Variants in FAM3C observed in about 807,000 individuals in gnomAD.
FAM3C encodes FAM3 metabolism regulating signaling molecule C.
A neutral mutation model predicts 32.5 loss-of-function variants in FAM3C; 15 were observed. The observed-to-expected ratio is 0.46, with a 90% confidence interval of 0.31 to 0.71. The LOEUF (loss-of-function observed/expected upper bound fraction) is 0.71. Among genes scored for constraint, FAM3C ranks in the 30% least tolerant of loss-of-function variants. The pLI, the probability that FAM3C is intolerant of heterozygous loss-of-function variation, is 0.05. For missense variants in FAM3C, 175 were observed against 274.4 expected, an observed-to-expected ratio of 0.64 and a Z score of 2.56; for synonymous variants, 75 against 86.1, an observed-to-expected ratio of 0.87 and a Z score of 0.72.
At chr7:121,395,487 G>A (rs981875988) in intron 1 of FAM3C, among the ~76,000 whole-genome samples, 1 of 151,086 alleles carries the variant, frequency 6.6e-6, no homozygotes, top group African/African-American at 2.4e-5. Context: ...GGTAGAGGAT[G>A]ATGGAAACCG....
At position 121,390,209 on chromosome 7, in the gene FAM3C, T is replaced by C. The variant is rs534148502; in HGVS notation, c.-42+5953A>G. On this transcript the variant is annotated intron_variant, in intron 1 of 9. Coordinates refer to ENST00000359943, the MANE Select transcript of FAM3C (RefSeq NM_014888.3). ...AATACCCTATTTATTTTAACTAAAC[T>C]CATTTTGCATCTTGCTTCCCTCATT... Among the ~76,000 whole-genome samples, 459 of 152,342 alleles carry C rather than the reference T, an allele frequency of 3.0e-3. 3 individuals are homozygous for C. Among genetic ancestry groups the C allele is most frequent in the African/African-American group, 0.01 (428 of 41,576 alleles).
At chr7:121,355,900 G>A (rs920950976) in intron 8 of FAM3C, among the ~76,000 whole-genome samples, 3 of 152,054 alleles carry the variant, frequency 2.0e-5, no homozygotes, top group South Asian at 2.1e-4. Flanking sequence ...TTCATAGGAC[G>A]AATGTCAGAA....
In FAM3C at chr7:121,351,401, T is replaced by A. The variant is rs1018696879; in HGVS notation, c.468-132A>T. On this transcript the variant is annotated intron_variant, in intron 8 of 9. Transcript: ENST00000359943. ...TAACAGAACATTTTGGAAAATAATT[T>A]TTTTTCAGAGTTACATTTCTACTGG... 9.6e-6 allele frequency: 8 copies of A among 834,286 alleles called. No individual in the cohort carries two copies. In the African/African-American group the frequency reaches 1.2e-4, roughly 13 times the overall value. The allele number at this position is 834,286 out of a possible 1,614,324, so 51.7% of individuals were successfully genotyped here.
intron 3 of FAM3C, among the ~76,000 whole-genome samples, chr7:121,378,613 T>C (rs1189432560): frequency 6.6e-6 from 1 of 152,208 alleles, no homozygotes; most frequent in Admixed American, 6.5e-5. Context: ...AATTTAAGCC[T>C]GGAGGTATTT....
At chr7:121,377,234 T>A (rs1018460239) in intron 3 of FAM3C, among the ~76,000 whole-genome samples, 11 of 152,164 alleles carry the variant, frequency 7.2e-5, no homozygotes, top group African/African-American at 2.7e-4. Context: ...GCCATGATTG[T>A]AAGTTTCCTG....
chr7:121,351,781 A>T (rs1793710350), intron 8 of FAM3C, among the ~76,000 whole-genome samples: 1 of 152,252 alleles, frequency 6.6e-6, no homozygotes, highest in South Asian at 2.1e-4. Flanking sequence ...ATTGTACTTC[A>T]GTGATAACTG....
intron 2 of FAM3C, chr7:121,380,183 A>T (rs1011993360): frequency 2.0e-5 from 3 of 152,168 alleles, no homozygotes; most frequent in African/African-American, 7.2e-5. Context: ...AGAGCTCAAA[A>T]ATTACATGTC....
intron 3 of FAM3C, among the ~76,000 whole-genome samples, chr7:121,377,178 C>T (rs1293203282): frequency 6.6e-6 from 1 of 152,152 alleles, no homozygotes; most frequent in Non-Finnish European, 1.5e-5. Context: ...CTTCACTCTG[C>T]ACTTCTCCTT....
intron 1 of FAM3C, among the ~76,000 whole-genome samples, chr7:121,384,001 A>G (rs925846635): frequency 5.3e-5 from 8 of 152,186 alleles, no homozygotes; most frequent in African/African-American, 1.9e-4. Context: ...AGAAAATAGT[A>G]ATAATGGCAC....
intron 1 of FAM3C, among the ~76,000 whole-genome samples, chr7:121,394,207 A>G (rs1405249831): frequency 1.3e-5 from 2 of 152,206 alleles, no homozygotes; most frequent in African/African-American, 4.8e-5. Flanking sequence ...TTCAAAACCT[A>G]AAATATATGG....
At chr7:121,372,807 T>C (rs777497010) in intron 3 of FAM3C, among the ~76,000 whole-genome samples, 11 of 152,206 alleles carry the variant, frequency 7.2e-5, no homozygotes, top group African/African-American at 2.4e-4. Context: ...ATTTCCTGAT[T>C]TGACTAATAA....
At chr7:121,375,691 T>C (rs1291542295) in intron 3 of FAM3C, among the ~76,000 whole-genome samples, 1 of 152,206 alleles carries the variant, frequency 6.6e-6, no homozygotes, top group African/African-American at 2.4e-5. Context: ...CAGCTGCATG[T>C]GCACAGTGAC....
At chr7:121,389,480 C>A (rs1316325227) in intron 1 of FAM3C, among the ~76,000 whole-genome samples, 1 of 152,094 alleles carries the variant, frequency 6.6e-6, no homozygotes, top group Non-Finnish European at 1.5e-5. Context: ...GAAGGAAGCA[C>A]CTTAAGCAGG....
intron 1 of FAM3C, among the ~76,000 whole-genome samples, chr7:121,392,187 T>C (rs1227526205): frequency 6.6e-6 from 1 of 152,216 alleles, no homozygotes; most frequent in East Asian, 1.9e-4. Flanking sequence ...GCTTCTATTG[T>C]AAAATTTTGT....
rs548591740 is a variant in FAM3C at position 121,384,263 on chromosome 7, G to A, written c.-41-1253C>T. 5.9e-5 allele frequency among the ~76,000 whole-genome samples: 9 copies of A among 152,232 alleles called. No individual in the cohort carries two copies. In the South Asian group the frequency reaches 1.9e-3, roughly 32 times the overall value. ...CTTCCACGTAATAGAAAAAGTCAAT[G>A]TTATATATCTATTTCAACTACCTAG... On this transcript the variant is annotated intron_variant, in intron 1 of 9. Transcript: ENST00000359943.
chr7:121,371,060 A>G (rs1794134994), intron 5 of FAM3C, among the ~76,000 whole-genome samples: 1 of 152,236 alleles, frequency 6.6e-6, no homozygotes, highest in Non-Finnish European at 1.5e-5. Flanking sequence ...ATTTACTCAG[A>G]GGAAATCTCT....
At chr7:121,352,746 T>C (rs1349623685) in intron 8 of FAM3C, among the ~76,000 whole-genome samples, 1 of 152,226 alleles carries the variant, frequency 6.6e-6, no homozygotes, top group Non-Finnish European at 1.5e-5. Flanking sequence ...ATAACCAACT[T>C]TGGTGCTAGA....
In FAM3C at chr7:121,349,175, AAC is replaced by A. The variant is rs1355693012; in HGVS notation, c.*1284_*1285del. 6.6e-6 allele frequency: 1 copy of A among 152,558 alleles called. No homozygotes were observed. The highest frequency in any genetic ancestry group is 6.6e-5 in the Admixed American group (1 of 15,258). The allele number at this position is 152,558 out of a possible 1,614,324, so 9.5% of individuals were successfully genotyped here. A position where few individuals can be genotyped will look rare whatever the true frequency, so the allele number is the denominator to read the frequency against. The stretch of plus-strand genomic sequence containing the variant: ...CTTCCAACTTGGTTTACAGCTAAAT[AAC>A]AGATACTGCTTTTAGGTTTTTTTAT... On this transcript the variant is annotated 3_prime_UTR_variant, in exon 10 of 10. Coordinates refer to ENST00000359943, the MANE Select transcript of FAM3C (RefSeq NM_014888.3).
At chr7:121,381,223 T>G (rs1794345565) in intron 2 of FAM3C, among the ~76,000 whole-genome samples, 1 of 152,166 alleles carries the variant, frequency 6.6e-6, no homozygotes, top group South Asian at 2.1e-4. Context: ...TGTGCTCCAG[T>G]TTTTCACAAG....
Sources: gnomAD v4.1 joint callset for allele counts (sites outside exome capture counted in the v4.1 genomes callset) on GRCh38, gnomAD v4.1.1 for gene constraint, MANE v1.5 for transcripts, NCBI Gene and HGNC (gene_info 2026-07-23, HGNC 2026-07-21) for gene names.